The following DOCK2 variants were observed in gnomAD, a reference collection of about 807,000 sequenced individuals.
DOCK2 encodes dedicator of cytokinesis protein 2.
DOCK2 carries 87 observed loss-of-function variants against 248.9 expected under a neutral mutation model. The ratio of observed to expected loss-of-function variants is 0.35; its 90% confidence interval spans 0.29 to 0.42. The LOEUF is 0.42. DOCK2 is among the 10% of genes least tolerant of loss of function. DOCK2 has a pLI of 1.00. For synonymous variants in DOCK2, 805 were observed against 821.6 expected (o/e 0.98, Z 0.35); for missense variants, 1,747 against 2,300.2 (o/e 0.76, Z 4.92).
At chr5:169,808,559 C>A (rs993921775) in intron 26 of DOCK2, among the ~76,000 whole-genome samples, 1 of 150,620 alleles carries the variant, frequency 6.6e-6, no homozygotes, top group Non-Finnish European at 1.5e-5. Flanking sequence ...GGATAAAAGG[C>A]CTGACTTCTT....
At chr5:170,002,764 C>CTATT (rs10655773) in intron 30 of DOCK2, among the ~76,000 whole-genome samples, 7,491 of 152,216 alleles carry the variant, frequency 0.049, 543 homozygotes, top group African/African-American at 0.16. Context: ...TTCTAACTCT[C>CTATT]TATTGTCCTA....
chr5:169,766,039 C>G (rs902520813), intron 25 of DOCK2, among the ~76,000 whole-genome samples: 2 of 152,164 alleles, frequency 1.3e-5, no homozygotes, highest in African/African-American at 4.8e-5. Context: ...AATAAACAAC[C>G]CTCTGACTCT....
At position 169,882,945 on chromosome 5, in the gene DOCK2, G is replaced by T. The variant is rs1306212664; in HGVS notation, c.2799+42093G>T. 7.1e-6 allele frequency: 11 copies of T among 1,551,880 alleles called. No homozygotes were observed. In the South Asian group the frequency reaches 1.3e-4, roughly 18 times the overall value. ...AGGCTCTTCCTGGGTGGGCTGGCTG[G>T]CTGTGGGAGCCTTGTGAGGGGGAAC... On this transcript the variant is annotated intron_variant, in intron 27 of 51. Coordinates refer to ENST00000520908, the MANE Select transcript of DOCK2 (RefSeq NM_004946.3).
rs559206143 is a variant in DOCK2, at chr5:170,036,889, C to T, written c.3665+334C>T. 9.9e-5 allele frequency among the ~76,000 whole-genome samples: 15 copies of T among 152,234 alleles called. No individual in the cohort carries two copies. The South Asian group carries it at 2.9e-3, about 29-fold the overall frequency. On this transcript the variant is annotated intron_variant, in intron 36 of 51. Coordinates refer to ENST00000520908, the MANE Select transcript of DOCK2 (RefSeq NM_004946.3). ...TGACCTTGGATAAATTACTGTGAAGCCTGAGTCCAGACATGTAGTAAGACC... is the reference window on the plus strand; with the variant it reads ...TGACCTTGGATAAATTACTGTGAAGTCTGAGTCCAGACATGTAGTAAGACC...
chr5:169,972,489 A>G (rs901047220), intron 27 of DOCK2, among the ~76,000 whole-genome samples: 1 of 53,864 alleles, frequency 1.9e-5, no homozygotes, highest in African/African-American at 2.5e-4. Flanking sequence ...AAAATATTTC[A>G]AGGCAATGCC....
intron 22 of DOCK2, among the ~76,000 whole-genome samples, chr5:169,745,817 T>G (rs78470091): frequency 0.034 from 5,237 of 152,262 alleles, 114 homozygotes; most frequent in African/African-American, 0.057. Flanking sequence ...CCAAAGCAGA[T>G]TGACTCTAGA....
At chr5:169,716,439 A>T (rs1761919486) in intron 20 of DOCK2, 137 bp downstream of exon 20, 2 of 781,834 alleles carry the variant, frequency 2.6e-6, no homozygotes, top group Non-Finnish European at 4.1e-6. Flanking sequence ...AATGTTTGGC[A>T]ACAAGACCAA....
rs187781808 is a variant in DOCK2 at position 170,023,669 on chromosome 5, G to A, written c.3382-4194G>A. Among the ~76,000 whole-genome samples, 947 of 152,222 alleles carry A rather than the reference G, an allele frequency of 6.2e-3. 8 individuals are homozygous for A. The highest frequency in any genetic ancestry group is 0.024 in the Middle Eastern group (7 of 294). On this transcript the variant is annotated intron_variant, in intron 33 of 51. Coordinates refer to ENST00000520908, the MANE Select transcript of DOCK2 (RefSeq NM_004946.3). ...CTGACTTCCAGACACCCCTTCTCACGTGACATTCTCTTTTCCAGGTTCCTC... is the reference window on the plus strand; with the variant it reads ...CTGACTTCCAGACACCCCTTCTCACATGACATTCTCTTTTCCAGGTTCCTC...
rs573201066 is a variant in DOCK2, at chr5:169,968,020, C to T, written c.2800-15048C>T. Among the ~76,000 whole-genome samples, 53 of 152,162 alleles carry T rather than the reference C, an allele frequency of 3.5e-4. 1 individual carries two copies. The South Asian group carries it at 0.011, about 30-fold the overall frequency. ...CATGTTGACATGTTAATATGAGCTG[C>T]CCATGAGGTGGAAATGTCCAGGAGG... On this transcript the variant is annotated intron_variant, in intron 27 of 51. Transcript: ENST00000520908.
At chr5:169,842,549 G>C (rs1196389045) in intron 27 of DOCK2, among the ~76,000 whole-genome samples, 1 of 152,032 alleles carries the variant, frequency 6.6e-6, no homozygotes, top group Non-Finnish European at 1.5e-5. Context: ...GTAGAGGCAG[G>C]GTTTTACTAC....
chr5:169,726,805 A>C (rs960091660), intron 22 of DOCK2, among the ~76,000 whole-genome samples: 1 of 152,238 alleles, frequency 6.6e-6, no homozygotes, highest in Non-Finnish European at 1.5e-5. Context: ...GCAATATCAC[A>C]GTGGAGGCCT....
intron 25 of DOCK2, among the ~76,000 whole-genome samples, chr5:169,789,739 C>T (rs1766211258): frequency 6.6e-6 from 1 of 152,182 alleles, no homozygotes; most frequent in Non-Finnish European, 1.5e-5. Context: ...CTCTTTTTCA[C>T]AAGTGAAGAA....
chr5:170,008,443 T>C, intron 30 of DOCK2, 54 bp from the exon 31 acceptor site: 1 of 1,585,972 alleles, frequency 6.3e-7, no homozygotes, highest in East Asian at 2.2e-5. Flanking sequence ...CCAGCGCTTA[T>C]GCCTTCCCGC....
At chr5:169,664,357 C>A (rs1028434010) in intron 2 of DOCK2, among the ~76,000 whole-genome samples, 1 of 152,230 alleles carries the variant, frequency 6.6e-6, no homozygotes. Flanking sequence ...AACTTTCCCA[C>A]ATCTTTCTAT....
At chr5:170,071,690 A>G (rs571032076) in intron 46 of DOCK2, among the ~76,000 whole-genome samples, 1 of 152,310 alleles carries the variant, frequency 6.6e-6, no homozygotes, top group African/African-American at 2.4e-5. Context: ...GAATTCTGCT[A>G]GCTCCCCTAA....
chr5:170,037,080 T>A (rs1333634494), intron 36 of DOCK2, among the ~76,000 whole-genome samples: 1 of 152,096 alleles, frequency 6.6e-6, no homozygotes, highest in African/African-American at 2.4e-5. Flanking sequence ...AATCTCATAT[T>A]TTTTTCTGCA....
chr5:170,039,001 A>G (rs1454880418), intron 36 of DOCK2, among the ~76,000 whole-genome samples: 1 of 152,140 alleles, frequency 6.6e-6, no homozygotes, highest in Non-Finnish European at 1.5e-5. Flanking sequence ...TTCACGGTTA[A>G]CTCCGATTGG....
intron 26 of DOCK2, among the ~76,000 whole-genome samples, chr5:169,840,165 A>T (rs1335862062): frequency 6.6e-6 from 1 of 152,128 alleles, no homozygotes; most frequent in Admixed American, 6.5e-5. Flanking sequence ...ACTTTTACTC[A>T]CGGTAGAAGG....
intron 27 of DOCK2, among the ~76,000 whole-genome samples, chr5:169,897,335 C>A (rs1773670629): frequency 6.6e-6 from 1 of 152,106 alleles, no homozygotes; most frequent in Non-Finnish European, 1.5e-5. Flanking sequence ...CAGGCACACA[C>A]CACCACACCC....
Sources: gnomAD v4.1 joint callset for allele counts (sites outside exome capture counted in the v4.1 genomes callset) on GRCh38, gnomAD v4.1.1 for gene constraint, MANE v1.5 for transcripts, NCBI Gene and HGNC (gene_info 2026-07-23, HGNC 2026-07-21) for gene names.